The following ASTN2 variants were observed in gnomAD, a reference collection of about 807,000 sequenced individuals.
ASTN2 encodes the protein astrotactin 2.
In ASTN2, 54 loss-of-function variants were observed where a neutral mutation model predicts 139.8. The observed-to-expected ratio is 0.39, with a 90% CI of 0.31 to 0.48. ASTN2 has a LOEUF of 0.48. Ranked by LOEUF, ASTN2 falls within the 20% of genes least tolerant of loss-of-function variation. The probability of loss-of-function intolerance (pLI) is 0.95; values close to 1 mark genes in which losing one functional copy is unlikely to be tolerated. For missense variants in ASTN2, 1,565 were observed against 1,725.1 expected, an observed-to-expected ratio of 0.91 and a Z score of 1.64; for synonymous variants, 756 against 719.5, an observed-to-expected ratio of 1.05 and a Z score of -0.81.
intron 19 of ASTN2, among the ~76,000 whole-genome samples, chr9:116,490,183 T>G (rs1042219191): frequency 2.0e-5 from 3 of 149,142 alleles, no homozygotes; most frequent in African/African-American, 7.4e-5. Flanking sequence ...GCCTCTTATA[T>G]CAGTTTCTTT....
intron 19 of ASTN2, among the ~76,000 whole-genome samples, chr9:116,563,243 T>C (rs57610989): frequency 0.16 from 23,970 of 151,026 alleles, 2,075 homozygotes; most frequent in African/African-American, 0.21. Flanking sequence ...GGTGCGGGGG[T>C]GGGTGCCTAT....
At chr9:117,301,223 C>G (rs16934469) in intron 1 of ASTN2, among the ~76,000 whole-genome samples, 4,891 of 152,170 alleles carry the variant, frequency 0.032, 272 homozygotes, top group African/African-American at 0.11. Flanking sequence ...ATGATATGCC[C>G]TTGGTTTCTA....
At chr9:117,015,016 TTTGTTG>T (rs528035282) in intron 6 of ASTN2, among the ~76,000 whole-genome samples, 1 of 152,118 alleles carries the variant, frequency 6.6e-6, no homozygotes, top group Admixed American at 6.6e-5. Context: ...TTGTTTGTTG[TTTGTTG>T]TTGTTGTTGT....
chr9:116,932,741 C>T (rs1834938165), intron 10 of ASTN2, among the ~76,000 whole-genome samples: 1 of 152,084 alleles, frequency 6.6e-6, no homozygotes, highest in African/African-American at 2.4e-5. Flanking sequence ...CATGGTGGCT[C>T]ACACCTGTAC....
chr9:117,111,060 C>G (rs536482327), intron 4 of ASTN2, among the ~76,000 whole-genome samples: 1 of 152,306 alleles, frequency 6.6e-6, no homozygotes, highest in East Asian at 1.9e-4. Flanking sequence ...TCACCAAAGG[C>G]AGGACAGCTG....
intron 13 of ASTN2, among the ~76,000 whole-genome samples, chr9:116,743,484 G>C (rs191019287): frequency 3.7e-4 from 57 of 152,242 alleles, no homozygotes; most frequent in African/African-American, 1.1e-3. Flanking sequence ...GTGAACCCAG[G>C]AGGCAGAGCT....
At chr9:116,659,986 C>T (rs1258287901) in intron 16 of ASTN2, among the ~76,000 whole-genome samples, 1 of 152,150 alleles carries the variant, frequency 6.6e-6, no homozygotes, top group Non-Finnish European at 1.5e-5. Context: ...GTCTTATCTA[C>T]AGTACTCACG....
chr9:117,186,818 TG>T (rs1328156965), intron 3 of ASTN2, among the ~76,000 whole-genome samples: 2 of 152,164 alleles, frequency 1.3e-5, no homozygotes, highest in African/African-American at 4.8e-5. Context: ...ATACTTATAA[TG>T]GGTCAAATGG....
intron 19 of ASTN2, among the ~76,000 whole-genome samples, chr9:116,588,006 C>A (rs1854228508): frequency 6.6e-6 from 1 of 152,128 alleles, no homozygotes; most frequent in South Asian, 2.1e-4. Context: ...TTTTTATTGT[C>A]ATTTAGAGTG....
intron 1 of ASTN2, among the ~76,000 whole-genome samples, chr9:117,300,193 T>C (rs1257626804): frequency 1.3e-5 from 2 of 152,210 alleles, no homozygotes; most frequent in Non-Finnish European, 2.9e-5. Flanking sequence ...TAAGGATAGA[T>C]TGGAGGAAAA....
Position 117,027,779 on chromosome 9 carries a change from T to C in ASTN2, c.1423+12040A>G, listed in dbSNP as rs371616860. Among the ~76,000 whole-genome samples the C allele has an allele frequency of 3.5e-4, 53 of 152,310 alleles. 1 individual carries two copies. The South Asian group carries it at 8.5e-3, about 24-fold the overall frequency. On this transcript the variant is annotated intron_variant, in intron 6 of 22. Coordinates refer to ENST00000313400, the MANE Select transcript of ASTN2 (RefSeq NM_001365068.1). ...CCTTCCATAGTAGCCTTTTGCTATATAGTTATCCTAACATTTTAAATGACA... is the reference window on the plus strand; with the variant it reads ...CCTTCCATAGTAGCCTTTTGCTATACAGTTATCCTAACATTTTAAATGACA...
rs892220359 is a variant in ASTN2 at position 117,292,702 on chromosome 9, A to G, written c.443-1189T>C. Among the ~76,000 whole-genome samples, 4 of 152,264 alleles carry G rather than the reference A, an allele frequency of 2.6e-5. No individual in the cohort carries two copies. The South Asian group carries it at 6.2e-4, about 24-fold the overall frequency. On this transcript the variant is annotated intron_variant, in intron 1 of 22. Coordinates refer to ENST00000313400, the MANE Select transcript of ASTN2 (RefSeq NM_001365068.1). ...CTCCAAAGACCTCGAGTGCATTCAC[A>G]CACACACACAAACACACACACACGA... is the stretch of plus-strand genomic sequence containing the variant.
intron 20 of ASTN2, among the ~76,000 whole-genome samples, chr9:116,442,978 T>C (rs1376143602): frequency 1.3e-5 from 2 of 152,202 alleles, no homozygotes; most frequent in African/African-American, 4.8e-5. Flanking sequence ...CACCAGGAAG[T>C]ACTTTAAGTG....
chr9:116,714,741 C>T (rs1042477177), intron 16 of ASTN2, among the ~76,000 whole-genome samples: 1 of 152,106 alleles, frequency 6.6e-6, no homozygotes, highest in Admixed American at 6.5e-5. Context: ...GTGCTGAGTT[C>T]CTGCTATGAG....
chr9:116,463,769 G>A (rs12156498), intron 20 of ASTN2, among the ~76,000 whole-genome samples: 23,730 of 152,098 alleles, frequency 0.16, 2,293 homozygotes, highest in Middle Eastern at 0.24. Flanking sequence ...ACTACGCTGT[G>A]AGCTCCTGAA....
At chr9:117,191,793 C>T (rs952310715) in intron 3 of ASTN2, among the ~76,000 whole-genome samples, 2 of 152,206 alleles carry the variant, frequency 1.3e-5, no homozygotes, top group Admixed American at 1.3e-4. Context: ...ATTTACCAAA[C>T]CTCCTTCAAC....
At position 117,184,296 on chromosome 9, in the gene ASTN2, C is replaced by T. The variant is rs1055165645; in HGVS notation, c.1015+30062G>A. Among the ~76,000 whole-genome samples, 12 of 152,200 alleles carry T rather than the reference C, an allele frequency of 7.9e-5. 1 individual carries two copies. In the East Asian group the frequency reaches 2.3e-3, roughly 29 times the overall value. ...GACACTGCCAAGGACATAGCTGGAGCTGTGCCGAGCCAAAGCAGGCAGACT... is the reference window on the plus strand; with the variant it reads ...GACACTGCCAAGGACATAGCTGGAGTTGTGCCGAGCCAAAGCAGGCAGACT... On this transcript the variant is annotated intron_variant, in intron 3 of 22. Transcript: ENST00000313400.
At chr9:116,955,416 A>G (rs560849788) in intron 10 of ASTN2, among the ~76,000 whole-genome samples, 14 of 152,364 alleles carry the variant, frequency 9.2e-5, no homozygotes, top group African/African-American at 3.4e-4. Flanking sequence ...GAAATAGTAA[A>G]TGAGACCAAA....
chr9:117,100,503 G>T (rs968121067), intron 4 of ASTN2, among the ~76,000 whole-genome samples: 2 of 152,158 alleles, frequency 1.3e-5, no homozygotes, highest in Non-Finnish European at 2.9e-5. Context: ...TTAACATAAA[G>T]TTATTACCGA....
Sources: gnomAD v4.1 joint callset for allele counts (sites outside exome capture counted in the v4.1 genomes callset) on GRCh38, gnomAD v4.1.1 for gene constraint, MANE v1.5 for transcripts, NCBI Gene and HGNC (gene_info 2026-07-23, HGNC 2026-07-21) for gene names.